RARB: variants seen among roughly 807,000 people sequenced by gnomAD.
RARB encodes the protein HBV-activated protein.
In RARB, 17 loss-of-function variants were observed where a neutral mutation model predicts 51.9. The ratio of observed to expected loss-of-function variants is 0.33; its 90% CI spans 0.22 to 0.49. The LOEUF (loss-of-function observed/expected upper bound fraction) is 0.49. Ranked by LOEUF, RARB falls within the 20% of genes least tolerant of loss-of-function variation. The probability of loss-of-function intolerance (pLI) is 0.99; values close to 1 mark genes in which losing one functional copy is unlikely to be tolerated. For missense variants in RARB, 369 were observed against 550.8 expected (o/e 0.67, Z 3.30); for synonymous variants, 215 against 195.4 (o/e 1.10, Z -0.84).
At chr3:25,135,258 A>G (rs184186385) in intron 4 of RARB, among the ~76,000 whole-genome samples, 4 of 152,102 alleles carry the variant, frequency 2.6e-5, no homozygotes, top group Admixed American at 2.6e-4. Flanking sequence ...ATTTAATGTT[A>G]ATTAAAGTTT....
At chr3:25,590,979 C>T (rs1226447765) in intron 5 of RARB, among the ~76,000 whole-genome samples, 3 of 152,186 alleles carry the variant, frequency 2.0e-5, no homozygotes, top group Admixed American at 1.3e-4. Context: ...TGCCCAATGA[C>T]CTCTGGGTTT....
chr3:25,145,090 G>A (rs891387478), intron 4 of RARB, among the ~76,000 whole-genome samples: 8 of 152,190 alleles, frequency 5.3e-5, no homozygotes, highest in Non-Finnish European at 1.2e-4. Flanking sequence ...CCCTTCTGTA[G>A]ACTGAGTTGT....
intron 2 of RARB, among the ~76,000 whole-genome samples, chr3:24,894,205 A>G (rs1302337424): frequency 6.6e-6 from 1 of 151,860 alleles, no homozygotes; most frequent in Admixed American, 6.6e-5. Flanking sequence ...GGTACAAATG[A>G]TCCTATCACC....
intron 5 of RARB, among the ~76,000 whole-genome samples, chr3:25,299,083 G>A (rs1329992336): frequency 2.0e-5 from 3 of 152,140 alleles, no homozygotes; most frequent in Admixed American, 1.3e-4. Context: ...CAGTGTATTA[G>A]CCCAGGTTTA....
chr3:25,064,925 G>A (rs1698630248), intron 3 of RARB, among the ~76,000 whole-genome samples: 1 of 152,120 alleles, frequency 6.6e-6, no homozygotes, highest in Non-Finnish European at 1.5e-5. Flanking sequence ...AATCTGTGAT[G>A]CAAATGCCCT....
rs749284811 is a variant in RARB, at chr3:25,378,189, T to C, written c.179-83004T>C. 2.0e-3 allele frequency among the ~76,000 whole-genome samples: 299 copies of C among 152,288 alleles called. 4 individuals carry two copies. Among genetic ancestry groups the C allele is most frequent in the Non-Finnish European group, 2.0e-3 (139 of 68,034 alleles). ...ATTGCATTAGCACAAGACTCGGGCA[T>C]GCATGCACGAGGGTATTTTGCAGAT... is the stretch of plus-strand genomic sequence containing the variant. On this transcript the variant is annotated intron_variant, in intron 5 of 11. Coordinates refer to the RARB transcript ENST00000383772.
chr3:24,834,176 C>T (rs1702314098), intron 1 of RARB, among the ~76,000 whole-genome samples: 1 of 152,188 alleles, frequency 6.6e-6, no homozygotes, highest in Non-Finnish European at 1.5e-5. Context: ...GAGAAATATG[C>T]TTGGTGGATC....
chr3:25,075,284 C>T (rs946024185), intron 3 of RARB, among the ~76,000 whole-genome samples: 7 of 152,140 alleles, frequency 4.6e-5, no homozygotes, highest in Non-Finnish European at 8.8e-5. Flanking sequence ...TCCCTATACC[C>T]CGTCTTTCTC....
At chr3:25,152,715 C>G (rs1450631754) in intron 4 of RARB, among the ~76,000 whole-genome samples, 2 of 152,186 alleles carry the variant, frequency 1.3e-5, no homozygotes, top group Non-Finnish European at 2.9e-5. Flanking sequence ...ATATTAGACT[C>G]TACATAGTTC....
At chr3:25,526,460 G>T (rs1321626225) in intron 3 of RARB, among the ~76,000 whole-genome samples, 1 of 152,190 alleles carries the variant, frequency 6.6e-6, no homozygotes, top group African/African-American at 2.4e-5. Flanking sequence ...GCAAGGGGCT[G>T]GGAATGGAAG....
intron 2 of RARB, among the ~76,000 whole-genome samples, chr3:25,035,054 A>G (rs1395403353): frequency 1.3e-5 from 2 of 152,222 alleles, no homozygotes; most frequent in Non-Finnish European, 2.9e-5. Flanking sequence ...TTAATAGGTT[A>G]GGATCGTAAT....
intron 3 of RARB, among the ~76,000 whole-genome samples, chr3:25,521,144 G>C (rs1012324830): frequency 1.3e-5 from 2 of 152,102 alleles, no homozygotes; most frequent in African/African-American, 4.8e-5. Flanking sequence ...GCAAGGAAAG[G>C]GCGTTACCTT....
chr3:24,858,441 C>T (rs778026036), intron 1 of RARB, among the ~76,000 whole-genome samples: 6 of 152,112 alleles, frequency 3.9e-5, no homozygotes, highest in Admixed American at 2.6e-4. Context: ...GATGGCTGTA[C>T]CCTATCGTGT....
At chr3:24,931,540 A>G (rs929226838) in intron 2 of RARB, among the ~76,000 whole-genome samples, 1 of 152,036 alleles carries the variant, frequency 6.6e-6, no homozygotes, top group African/African-American at 2.4e-5. Context: ...ACCAGATTAA[A>G]TGTCACCTGG....
intron 3 of RARB, among the ~76,000 whole-genome samples, chr3:25,089,793 G>A (rs1457623407): frequency 6.6e-6 from 1 of 152,050 alleles, no homozygotes; most frequent in Non-Finnish European, 1.5e-5. Context: ...GTTTCCATAC[G>A]AATGATACTA....
chr3:25,289,525 T>A (rs574026159), intron 5 of RARB, among the ~76,000 whole-genome samples: 76 of 152,356 alleles, frequency 5.0e-4, no homozygotes, highest in African/African-American at 1.8e-3. Context: ...CAAAATGGCA[T>A]GCCATCATTT....
chr3:25,170,522 T>A (rs1700627022), intron 4 of RARB, among the ~76,000 whole-genome samples: 1 of 152,188 alleles, frequency 6.6e-6, no homozygotes, highest in Non-Finnish European at 1.5e-5. Flanking sequence ...GGACCCACTT[T>A]GAGAATCACT....
At chr3:25,181,006 G>GTAACCAACTTTTC (rs1425700936) in intron 5 of RARB, among the ~76,000 whole-genome samples, 1 of 152,154 alleles carries the variant, frequency 6.6e-6, no homozygotes, top group Non-Finnish European at 1.5e-5. Flanking sequence ...TAAGATCCAG[G>GTAACCAACTTTTC]TAACCAACTT....
chr3:25,196,746 T>C (rs1701249386), intron 5 of RARB, among the ~76,000 whole-genome samples: 2 of 152,172 alleles, frequency 1.3e-5, no homozygotes, highest in South Asian at 4.1e-4. Context: ...TTCCTGACTT[T>C]TTAATGATCA....
Sources: allele counts gnomAD v4.1 joint callset (sites outside exome capture counted in the v4.1 genomes callset), GRCh38; gene constraint gnomAD v4.1.1; transcripts MANE v1.5; gene names NCBI Gene and HGNC (gene_info 2026-07-23, HGNC 2026-07-21).